Variants in RIPOR3 observed in about 807,000 individuals in gnomAD.
The protein encoded by RIPOR3 is family with sequence similarity 65 member C.
RIPOR3 carries 95 observed loss-of-function variants against 114.3 expected under a neutral mutation model. That is an observed-to-expected ratio of 0.83 (90% confidence interval 0.70 to 0.99). The LOEUF is 0.99. Ranked by LOEUF, RIPOR3 falls within the 50% of genes least tolerant of loss-of-function variation. RIPOR3 has a pLI of 0.00. For missense variants in RIPOR3, 1,252 were observed against 1,266.9 expected (o/e 0.99, Z 0.18); for synonymous variants, 575 against 543.8 (o/e 1.06, Z -0.80).
chr20:50,681,382 T>G (rs1480217538), intron 1 of RIPOR3, among the ~76,000 whole-genome samples: 1 of 151,448 alleles, frequency 6.6e-6, no homozygotes, highest in East Asian at 1.9e-4. Context: ...TACAGTGAGG[T>G]GGTAGGGGAT....
intron 1 of RIPOR3, among the ~76,000 whole-genome samples, chr20:50,651,450 C>G (rs2085606398): frequency 6.6e-6 from 1 of 152,194 alleles, no homozygotes; most frequent in Admixed American, 6.5e-5. Flanking sequence ...GGTCTGGGAT[C>G]ATTTGTTACA....
rs2084344376 is a variant in RIPOR3 at position 50,620,139 on chromosome 20, G to C, written c.123-7C>G. 6.2e-7 allele frequency: 1 copy of C among 1,613,242 alleles called. No homozygotes were observed. Among genetic ancestry groups the C allele is most frequent in the Non-Finnish European group, 8.5e-7 (1 of 1,179,890 alleles). ...GTTCCTGTTGATGGACTTTCTGTGA[G>C]AAGGGTTGGAGGGCAAGAGAAGTCA... On this transcript the variant is annotated splice_region_variant and splice_polypyrimidine_tract_variant and intron_variant, in intron 2 of 21. Transcript: ENST00000327979.
At position 50,596,249 on chromosome 20, in the gene RIPOR3, A is replaced by T; in HGVS notation, c.1805T>A (p.Leu602Gln). 6.2e-7 allele frequency: 1 copy of T among 1,614,136 alleles called. No homozygotes were observed. The highest frequency in any genetic ancestry group is 8.5e-7 in the Non-Finnish European group (1 of 1,180,024). ...GSQGLRKDRP[L>Q]PPPSSLKASS... ...CGCTTTCAGTGATGACGGTGGGGGC[A>T]GGGGCCGGTCCTTTCTGAGTTGAAT... Residue 602 changes from leucine (L) to glutamine (Q), a missense_variant, in exon 15 of 22, where the codon CTG becomes CAG. Leu to Gln is a moderately radical substitution (Grantham distance 113). Coordinates refer to ENST00000327979, the MANE Select transcript of RIPOR3 (RefSeq NM_001290268.2).
chr20:50,587,993 G>A, intron 20 of RIPOR3, 101 bp from the exon 21 acceptor site: 1 of 1,088,778 alleles, frequency 9.2e-7, no homozygotes, highest in South Asian at 1.4e-5. Flanking sequence ...CATGGTCTCT[G>A]GGGCCTCAGC....
In RIPOR3 at chr20:50,608,941, C is replaced by G; in HGVS notation, c.655G>C (p.Ala219Pro). 2 of 1,584,360 alleles carry G rather than the reference C, an allele frequency of 1.3e-6. No individual in the cohort carries two copies. Among genetic ancestry groups the G allele is most frequent in the Non-Finnish European group, 1.7e-6 (2 of 1,165,900 alleles). ...TAGTGGTCTCCGGGACAGAGGCGTG[C>G]GTAGCCCACCAAGCCTGGAACACAG... is the stretch of plus-strand genomic sequence containing the variant. Reference protein sequence around the residue: ...HIRMKGLVGYARLCPGDHYEV... With the variant: ...HIRMKGLVGYPRLCPGDHYEV... Residue 219 changes from alanine to proline, a missense_variant, in exon 9 of 22, where the codon GCA (alanine) becomes CCA (proline). Ala to Pro is a conservative substitution (Grantham distance 27, BLOSUM62 -1). Coordinates refer to ENST00000327979, the MANE Select transcript of RIPOR3 (RefSeq NM_001290268.2).
chr20:50,652,590 CAAAAAAAAAAAA>C (rs11470456), intron 1 of RIPOR3, among the ~76,000 whole-genome samples: 4 of 87,324 alleles, frequency 4.6e-5, no homozygotes, highest in Non-Finnish European at 6.7e-5. Context: ...GATTCTGTCT[CAAAAAAAAAAAA>C]AAAAAAAAAA....
At position 50,602,471 on chromosome 20, in the gene RIPOR3, G is replaced by T; in HGVS notation, c.1260C>A (p.Thr420=). The part of the protein sequence containing the change: ...FSSEDPRDTE[T]STSASTSDVG... ...CATCTGAGGTGGACGCCGACGTGCT[G>T]GTCTCCGTGTCTCGGGGGTCCTCAG... The change falls in exon 13 of 22, where the codon ACC becomes ACA. Residue 420 remains threonine (T), a synonymous_variant. Transcript: ENST00000327979. This position sits in a 1 kb window ranked among gnomAD's most constrained non-coding sequence, Gnocchi z 4.3. 6.4e-7 allele frequency: 1 copy of T among 1,560,902 alleles called. No homozygotes were observed. The highest frequency in any genetic ancestry group is 8.7e-7 in the Non-Finnish European group (1 of 1,150,560).
intron 17 of RIPOR3, 24 bp from the exon 18 acceptor site, chr20:50,593,220 A>G (rs576404822): frequency 1.9e-6 from 3 of 1,604,972 alleles, no homozygotes; most frequent in South Asian, 2.2e-5. Flanking sequence ...AGAGTACATC[A>G]GGAGAAACTG....
intron 4 of RIPOR3, among the ~76,000 whole-genome samples, chr20:50,615,423 G>A (rs2084136677): frequency 6.6e-6 from 1 of 151,516 alleles, no homozygotes; most frequent in African/African-American, 2.4e-5. Flanking sequence ...TACTTGGGAG[G>A]CTGAGGTAAA....
At chr20:50,639,513 GA>G (rs1157801404) in intron 1 of RIPOR3, among the ~76,000 whole-genome samples, 7 of 152,248 alleles carry the variant, frequency 4.6e-5, no homozygotes, top group Admixed American at 4.6e-4. Context: ...GCTGAGGCTC[GA>G]GATGGAGCCA....
At chr20:50,660,561 T>C (rs1222199012) in intron 1 of RIPOR3, among the ~76,000 whole-genome samples, 1 of 151,998 alleles carries the variant, frequency 6.6e-6, no homozygotes, top group East Asian at 1.9e-4. Context: ...GGGATTCACC[T>C]CCATAGCCCA....
Position 50,609,601 on chromosome 20 carries a change from A to G in RIPOR3, c.548T>C (p.Leu183Pro), listed in dbSNP as rs779556066. ...SRAARESLQE[L>P]GRSLHECAED... ...GGCGCACTCGTGCAGGCTGCGGCCC[A>G]GCTCCTGCAGGCTCTCTCGGGCTGC... is the stretch of plus-strand genomic sequence containing the variant. Residue 183 changes from leucine (L) to proline (P), a missense_variant, in exon 7 of 22, where the codon CTG becomes CCG. Leu to Pro is a moderately conservative substitution (Grantham distance 98, BLOSUM62 -3). Transcript: ENST00000327979. 4.5e-5 allele frequency: 64 copies of G among 1,415,156 alleles called. No homozygotes were observed. Among genetic ancestry groups the G allele is most frequent in the Non-Finnish European group, 5.8e-5 (63 of 1,088,358 alleles). The allele number at this position is 1,415,156 out of a possible 1,614,324, so 87.7% of individuals were successfully genotyped here.
chr20:50,618,270 C>CAAAAAAAAA (rs61215608), intron 3 of RIPOR3, among the ~76,000 whole-genome samples: 19 of 67,386 alleles, frequency 2.8e-4, no homozygotes, highest in Middle Eastern at 7.8e-3. Flanking sequence ...GACTCCGTCT[C>CAAAAAAAAA]AAAAAAAAAA....
intron 1 of RIPOR3, among the ~76,000 whole-genome samples, chr20:50,667,149 C>T (rs374426893): frequency 6.2e-4 from 95 of 152,132 alleles, no homozygotes; most frequent in African/African-American, 2.2e-3. Context: ...GAACATTAAC[C>T]ATCAGCCGGC....
intron 4 of RIPOR3, among the ~76,000 whole-genome samples, 171 bp from the exon 5 acceptor site, chr20:50,611,375 C>T (rs1413222294): frequency 1.3e-5 from 2 of 152,246 alleles, no homozygotes; most frequent in African/African-American, 4.8e-5. Flanking sequence ...CTGCTGTCCA[C>T]GCCAAGGACA....
chr20:50,594,632 A>T lies in RIPOR3; in HGVS notation c.2133T>A (p.Pro711=). The change falls in exon 17 of 22, where the codon CCT becomes CCA. Residue 711 remains proline (P), a synonymous_variant. Coordinates refer to ENST00000327979, the MANE Select transcript of RIPOR3 (RefSeq NM_001290268.2). ...TGAGCTGGTTCAGCAGCGTCGTGGC[A>T]GGGCAGGACAGGACCCTGCCAGGCC... ...CTGPGRVLSC[P]ATTLLNQLKK... 1 of 1,613,746 alleles carries T rather than the reference A, an allele frequency of 6.2e-7. No individual in the cohort carries two copies. The highest frequency in any genetic ancestry group is 8.5e-7 in the Non-Finnish European group (1 of 1,179,946).
intron 1 of RIPOR3, among the ~76,000 whole-genome samples, chr20:50,683,643 G>A (rs921206275): frequency 7.9e-5 from 12 of 151,638 alleles, no homozygotes; most frequent in African/African-American, 2.9e-4. Context: ...AGTAGAGACG[G>A]GCTGTCTCTA....
chr20:50,690,829 T>C (rs2087188158), intron 1 of RIPOR3, among the ~76,000 whole-genome samples: 2 of 152,182 alleles, frequency 1.3e-5, no homozygotes. Flanking sequence ...GCCTGGCGTA[T>C]AGCAGATACA....
Position 50,691,274 on chromosome 20 carries a change from GC to G in RIPOR3, c.-147del. 2.0e-6 allele frequency: 2 copies of G among 1,024,800 alleles called. No individual in the cohort carries two copies. Among genetic ancestry groups the G allele is most frequent in the Non-Finnish European group, 2.6e-6 (2 of 758,738 alleles). 63.5% of individuals were successfully genotyped at this position (1,024,800 alleles called of 1,614,324 possible). On this transcript the variant is annotated 5_prime_UTR_variant, in exon 1 of 22. Transcript: ENST00000327979. ...GGCTCTGCAAATTCCATCCACACTGGCCACCAGCCGCTGGTCCCGCTCTCTG... is the reference window on the plus strand; with the variant it reads ...GGCTCTGCAAATTCCATCCACACTGGCACCAGCCGCTGGTCCCGCTCTCTG...
Sources: allele counts gnomAD v4.1 joint callset (sites outside exome capture counted in the v4.1 genomes callset), GRCh38; gene constraint gnomAD v4.1.1; non-coding constraint Gnocchi (gnomAD v3.1); transcripts MANE v1.5; gene names NCBI Gene and HGNC (gene_info 2026-07-23, HGNC 2026-07-21).